The following SLIT3 variants were observed in gnomAD, a reference collection of about 807,000 sequenced individuals.
SLIT3 encodes the protein slit homolog 3 protein.
Under a neutral mutation model 184.0 loss-of-function variants are expected in SLIT3, and 68 were observed. The observed-to-expected ratio is 0.37, with a 90% CI of 0.30 to 0.45. The LOEUF is 0.45. SLIT3 is among the 20% of genes least tolerant of loss of function. The pLI is 1.00. For synonymous variants in SLIT3, 831 were observed against 828.6 expected (o/e 1.00, Z -0.05); for missense variants, 1,707 against 2,026.0 (o/e 0.84, Z 3.02).
At chr5:169,135,098 AGT>A (rs935924277) in intron 4 of SLIT3, among the ~76,000 whole-genome samples, 2 of 152,110 alleles carry the variant, frequency 1.3e-5, no homozygotes, top group African/African-American at 4.8e-5. Context: ...GGACTTGATC[AGT>A]GTGTTTTGTT....
At chr5:168,833,903 T>C (rs1295368071) in intron 6 of SLIT3, among the ~76,000 whole-genome samples, 4 of 152,252 alleles carry the variant, frequency 2.6e-5, no homozygotes, top group South Asian at 2.1e-4. Context: ...CTAATTCCAA[T>C]TGGGTTGTGC....
chr5:168,967,672 C>G (rs1763258468), intron 4 of SLIT3, among the ~76,000 whole-genome samples: 1 of 150,724 alleles, frequency 6.6e-6, no homozygotes. Flanking sequence ...GATCTCCTGA[C>G]CTCGTGATCC....
chr5:168,979,848 C>G lies in SLIT3; in HGVS notation c.414-96512G>C, dbSNP rs190298374. Among the ~76,000 whole-genome samples the G allele has an allele frequency of 3.5e-4, 54 of 152,296 alleles. 1 individual carries two copies. Among genetic ancestry groups the G allele is most frequent in the South Asian group, 2.1e-3 (10 of 4,826 alleles). Reference sequence around the variant, plus strand: ...GCCCTGAAGGTTTTCTCTATTTTAACCTTCGTAGGTTTTCAACCAAAACAG... The same window carrying G: ...GCCCTGAAGGTTTTCTCTATTTTAAGCTTCGTAGGTTTTCAACCAAAACAG... On this transcript the variant is annotated intron_variant, in intron 4 of 35. Coordinates refer to ENST00000519560, the MANE Select transcript of SLIT3 (RefSeq NM_003062.4).
chr5:169,238,490 T>C (rs1765273724), intron 3 of SLIT3, among the ~76,000 whole-genome samples: 1 of 151,796 alleles, frequency 6.6e-6, no homozygotes, highest in African/African-American at 2.4e-5. Flanking sequence ...TAACTGCTTA[T>C]TTTTTAAGTG....
chr5:168,666,273 C>A lies in SLIT3; in HGVS notation c.*181G>T. ...ATATAATAAAAGATGAAAATAGTCA[C>A]TTTCCATAATAAAAATAAGTTCTAT... On this transcript the variant is annotated 3_prime_UTR_variant, in exon 36 of 36. Coordinates refer to ENST00000519560, the MANE Select transcript of SLIT3 (RefSeq NM_003062.4). 1.9e-6 allele frequency: 1 copy of A among 519,874 alleles called. No individual in the cohort carries two copies. Among genetic ancestry groups the A allele is most frequent in the East Asian group, 3.1e-5 (1 of 32,268 alleles). 32.2% of individuals were successfully genotyped at this position (519,874 alleles called of 1,614,324 possible).
intron 5 of SLIT3, among the ~76,000 whole-genome samples, chr5:168,863,661 G>A (rs146264699): frequency 3.3e-5 from 5 of 152,256 alleles, no homozygotes; most frequent in South Asian, 2.1e-4. Context: ...GGGAAAGTGC[G>A]CTCTGGCATC....
At chr5:168,903,619 C>T (rs921324211) in intron 4 of SLIT3, among the ~76,000 whole-genome samples, 3 of 152,104 alleles carry the variant, frequency 2.0e-5, no homozygotes, top group Non-Finnish European at 4.4e-5. Context: ...GCAGGGTCTT[C>T]AGGAATGGTC....
Position 168,685,759 on chromosome 5 carries a change from G to A in SLIT3, c.3483C>T (p.Asn1161=). 2 of 1,608,460 alleles carry A rather than the reference G, an allele frequency of 1.2e-6. No homozygotes were observed. The highest frequency in any genetic ancestry group is 1.7e-6 in the Non-Finnish European group (2 of 1,176,480). Residue 1161 remains asparagine, a synonymous_variant, in exon 31 of 36, where the codon AAC becomes AAT. Coordinates refer to ENST00000519560, the MANE Select transcript of SLIT3 (RefSeq NM_003062.4). ...GPRCEKLITV[N]FVGKDSYVEL... ...CCACGTAGGAGTCTTTGCCCACGAA[G>A]TTGACAGTGATGAGCTTCTCGCATC... is the stretch of plus-strand genomic sequence containing the variant.
At position 168,842,469 on chromosome 5, in the gene SLIT3, G is replaced by GTTTTTTTTTTTTTTTTTTT. The variant is rs778998998; in HGVS notation, c.557+2114_557+2115insAAAAAAAAAAAAAAAAAAA. ...TGGTGCATCTGGATACCGTTTTTTCGTTTTTTTTTTTTTTTTTTGTATCTG... is the reference window on the plus strand; with the variant it reads ...TGGTGCATCTGGATACCGTTTTTTCGTTTTTTTTTTTTTTTTTTTTTTTTTTTTTTTTTTTTTGTATCTG... On this transcript the variant is annotated intron_variant, in intron 6 of 35. Transcript: ENST00000519560. Among the ~76,000 whole-genome samples, 28 of 88,072 alleles carry GTTTTTTTTTTTTTTTTTTT rather than the reference G, an allele frequency of 3.2e-4. 2 individuals carry two copies. Among genetic ancestry groups the GTTTTTTTTTTTTTTTTTTT allele is most frequent in the African/African-American group, 1.2e-3 (24 of 20,850 alleles). 57.8% of individuals were successfully genotyped at this position (88,072 alleles called of 152,430 possible). A position where few individuals can be genotyped will look rare whatever the true frequency, so the allele number is the denominator to read the frequency against.
At position 169,006,181 on chromosome 5, in the gene SLIT3, T is replaced by C. The variant is rs527280953; in HGVS notation, c.414-122845A>G. ...TGCTGTCTTACTGTAATTCAGGGCC[T>C]TGCAGCGTAACTACCAACCAGCCTG... On this transcript the variant is annotated intron_variant, in intron 4 of 35. Coordinates refer to ENST00000519560, the MANE Select transcript of SLIT3 (RefSeq NM_003062.4). 1.9e-4 allele frequency among the ~76,000 whole-genome samples: 29 copies of C among 152,360 alleles called. No homozygotes were observed. In the South Asian group the frequency reaches 6.0e-3, roughly 32 times the overall value.
At chr5:169,054,171 G>A (rs1476594641) in intron 4 of SLIT3, among the ~76,000 whole-genome samples, 1 of 150,150 alleles carries the variant, frequency 6.7e-6, no homozygotes, top group East Asian at 2.0e-4. Flanking sequence ...AACATGACTG[G>A]TGTTCCAATA....
chr5:169,100,155 C>A (rs1259213896), intron 4 of SLIT3, among the ~76,000 whole-genome samples: 1 of 152,164 alleles, frequency 6.6e-6, no homozygotes, highest in East Asian at 1.9e-4. Flanking sequence ...TTCAAGCCTG[C>A]AGCAGAGCCA....
intron 4 of SLIT3, among the ~76,000 whole-genome samples, chr5:168,931,623 G>A (rs1171087881): frequency 6.6e-6 from 1 of 152,200 alleles, no homozygotes; most frequent in East Asian, 1.9e-4. Context: ...GAGGGGATAG[G>A]ACCTAGGCTG....
intron 4 of SLIT3, among the ~76,000 whole-genome samples, chr5:169,144,937 G>A (rs1160859539): frequency 6.6e-6 from 1 of 152,194 alleles, no homozygotes; most frequent in Non-Finnish European, 1.5e-5. Flanking sequence ...CTGCCAGGGA[G>A]CACCTTTTAC....
At position 168,708,526 on chromosome 5, in the gene SLIT3, G is replaced by A. The variant is rs1000691357; in HGVS notation, c.2720-426C>T. On this transcript the variant is annotated intron_variant, in intron 25 of 35. Coordinates refer to ENST00000519560, the MANE Select transcript of SLIT3 (RefSeq NM_003062.4). ...GGAATAGTCTGTGCCAGGCTAAGCAGGGCACAGTGCTTGGGCCAAAGGCAC... is the reference window on the plus strand; with the variant it reads ...GGAATAGTCTGTGCCAGGCTAAGCAAGGCACAGTGCTTGGGCCAAAGGCAC... 5 of 228,492 alleles carry A rather than the reference G, an allele frequency of 2.2e-5. No individual in the cohort carries two copies. In the South Asian group the frequency reaches 2.5e-4, roughly 12 times the overall value. The allele number at this position is 228,492 out of a possible 1,614,324, so 14.2% of individuals were successfully genotyped here.
chr5:169,291,497 T>A (rs1330534084), intron 1 of SLIT3, among the ~76,000 whole-genome samples: 2 of 152,210 alleles, frequency 1.3e-5, no homozygotes, highest in Non-Finnish European at 1.5e-5. Context: ...GAGCATCTAA[T>A]CATGAATTTC....
chr5:169,212,861 T>C (rs1005404168), intron 3 of SLIT3, among the ~76,000 whole-genome samples: 1 of 152,236 alleles, frequency 6.6e-6, no homozygotes, highest in African/African-American at 2.4e-5. Flanking sequence ...TTTCTGCATA[T>C]GGCTAGCCAG....
intron 1 of SLIT3, among the ~76,000 whole-genome samples, chr5:169,291,031 A>G (rs1391806487): frequency 2.6e-5 from 4 of 152,160 alleles, no homozygotes; most frequent in Non-Finnish European, 4.4e-5. Flanking sequence ...CTGCTGCCAA[A>G]GTGCGGAATG....
chr5:168,761,054 A>G, intron 15 of SLIT3, 118 bp from the exon 16 acceptor site: 1 of 759,570 alleles, frequency 1.3e-6, no homozygotes, highest in South Asian at 1.6e-5. Flanking sequence ...CCACAGAGCC[A>G]TCGGAAGCTT....
Sources: allele counts gnomAD v4.1 joint callset (sites outside exome capture counted in the v4.1 genomes callset), GRCh38; gene constraint gnomAD v4.1.1; transcripts MANE v1.5; gene names NCBI Gene and HGNC (gene_info 2026-07-23, HGNC 2026-07-21).